RDX: variants seen among roughly 807,000 people sequenced by gnomAD.
The protein encoded by RDX is deafness, autosomal recessive 24.
In RDX, 32 loss-of-function variants were observed where a neutral mutation model predicts 83.7. That is an observed-to-expected ratio of 0.38 (90% confidence interval 0.29 to 0.51). RDX has a LOEUF of 0.51. RDX is among the 20% of genes least tolerant of loss of function. RDX has a pLI of 0.87. For missense variants in RDX, 600 were observed against 689.9 expected, an observed-to-expected ratio of 0.87 and a Z score of 1.46; for synonymous variants, 229 against 222.7, an observed-to-expected ratio of 1.03 and a Z score of -0.25.
chr11:110,194,574 T>C (rs900362194), intron 15 of RDX, among the ~76,000 whole-genome samples: 3 of 152,206 alleles, frequency 2.0e-5, no homozygotes, highest in African/African-American at 7.2e-5. Flanking sequence ...TGAATGATTT[T>C]ATGCCAACTT....
intron 3 of RDX, among the ~76,000 whole-genome samples, chr11:110,268,754 G>A (rs1350640475): frequency 2.0e-5 from 3 of 151,858 alleles, no homozygotes; most frequent in Non-Finnish European, 4.4e-5. Flanking sequence ...TACTTCTTCA[G>A]AAGGTGCTCC....
chr11:110,194,336 C>T (rs1189979545), intron 15 of RDX, among the ~76,000 whole-genome samples: 3 of 152,338 alleles, frequency 2.0e-5, no homozygotes, highest in East Asian at 1.9e-4. Flanking sequence ...TCTCCTGCCT[C>T]GGTCTCCCGA....
intron 1 of RDX, among the ~76,000 whole-genome samples, chr11:110,294,970 T>C (rs989133802): frequency 1.3e-5 from 2 of 152,196 alleles, no homozygotes; most frequent in Non-Finnish European, 2.9e-5. Context: ...GCTAATAATA[T>C]ACCAACTGTT....
At chr11:110,251,289 T>A (rs1172488390) in intron 9 of RDX, among the ~76,000 whole-genome samples, 1 of 152,188 alleles carries the variant, frequency 6.6e-6, no homozygotes, top group Non-Finnish European at 1.5e-5. Flanking sequence ...TTTTTAAAGA[T>A]CAAATGGGTC....
chr11:110,246,414 C>T (rs114175893), intron 10 of RDX, among the ~76,000 whole-genome samples: 1 of 152,102 alleles, frequency 6.6e-6, no homozygotes, highest in East Asian at 1.9e-4. Context: ...TATCCCTAAT[C>T]CAAAAAACGT....
At chr11:110,282,218 T>G in intron 1 of RDX, among the ~76,000 whole-genome samples, 1 of 152,214 alleles carries the variant, frequency 6.6e-6, no homozygotes, top group East Asian at 1.9e-4. Flanking sequence ...GCATCAAAAC[T>G]TTGGCCATTT....
At chr11:110,194,180 C>T (rs1241669691) in intron 15 of RDX, among the ~76,000 whole-genome samples, 1 of 152,218 alleles carries the variant, frequency 6.6e-6, no homozygotes, top group African/African-American at 2.4e-5. Flanking sequence ...AGATGATTTC[C>T]TCAATTCTCT....
chr11:110,250,165 C>T (rs866060141), intron 9 of RDX, among the ~76,000 whole-genome samples: 4 of 152,114 alleles, frequency 2.6e-5, no homozygotes, highest in Admixed American at 6.6e-5. Context: ...CCAATCTCTC[C>T]GGGCAAAAGA....
chr11:110,235,325 G>A (rs11213323), intron 12 of RDX, among the ~76,000 whole-genome samples: 61 of 152,244 alleles, frequency 4.0e-4, no homozygotes, highest in Middle Eastern at 3.4e-3. Context: ...GGGACACAGA[G>A]TAAGACCATG....
chr11:110,279,562 C>T, intron 2 of RDX, 119 bp downstream of exon 2: 2 of 714,742 alleles, frequency 2.8e-6, no homozygotes, highest in South Asian at 1.6e-5. Context: ...AGAGAAATAA[C>T]AGTAGTATCA....
intron 6 of RDX, 74 bp from the exon 7 acceptor site, chr11:110,257,987 T>A (rs1194490707): frequency 8.1e-6 from 12 of 1,489,260 alleles, no homozygotes; most frequent in Non-Finnish European, 1.1e-5. Context: ...TACCTGGAAT[T>A]AAAAATTAGT....
chr11:110,228,282 C>A (rs2134289070), downstream of RDX, among the ~76,000 whole-genome samples: 1 of 152,152 alleles, frequency 6.6e-6, no homozygotes, highest in East Asian at 1.9e-4. Context: ...AGTTATCAAA[C>A]ACATTTGCAG....
At chr11:110,263,869 A>C (rs1186374283) in intron 5 of RDX, 91 bp downstream of exon 5, 3 of 349,660 alleles carry the variant, frequency 8.6e-6, no homozygotes, top group East Asian at 1.1e-4. Flanking sequence ...CCCTGTCTCC[A>C]AAAAAAAAAA....
chr11:110,257,739 T>C (rs1370903050), intron 7 of RDX, 28 bp downstream of exon 7: 3 of 1,609,470 alleles, frequency 1.9e-6, no homozygotes, highest in South Asian at 1.1e-5. Context: ...GAACAATGAC[T>C]AGTTCACTAT....
At chr11:110,252,892 A>T (rs970680682) in intron 9 of RDX, among the ~76,000 whole-genome samples, 17 of 152,128 alleles carry the variant, frequency 1.1e-4, no homozygotes, top group African/African-American at 4.1e-4. Context: ...TCAGCCTCCC[A>T]AGTAGCTGAG....
At chr11:110,258,338 T>C in intron 5 of RDX, 149 bp from the exon 6 acceptor site, 4 of 611,842 alleles carry the variant, frequency 6.5e-6, no homozygotes, top group Non-Finnish European at 1.1e-5. Context: ...CTAAATTACA[T>C]ACACACAGAA....
At chr11:110,294,855 T>C (rs1312309321) in intron 1 of RDX, among the ~76,000 whole-genome samples, 1 of 152,206 alleles carries the variant, frequency 6.6e-6, no homozygotes, top group Non-Finnish European at 1.5e-5. Context: ...CAAAACATTG[T>C]ATGTGATTCC....
At chr11:110,243,574 C>T (rs928846922) in intron 10 of RDX, among the ~76,000 whole-genome samples, 11 of 151,908 alleles carry the variant, frequency 7.2e-5, no homozygotes, top group Admixed American at 3.9e-4. Flanking sequence ...AAAAATTAGC[C>T]GAGCGTGGTG....
chr11:110,213,426 A>G (rs1863912480), intron 14 of RDX, among the ~76,000 whole-genome samples: 1 of 45,220 alleles, frequency 2.2e-5, no homozygotes, highest in Non-Finnish European at 4.4e-5. Context: ...AAGGTAATTT[A>G]CAGATTCAAT....
Sources: gnomAD v4.1 joint callset for allele counts (sites outside exome capture counted in the v4.1 genomes callset) on GRCh38, gnomAD v4.1.1 for gene constraint, MANE v1.5 for transcripts, NCBI Gene and HGNC (gene_info 2026-07-23, HGNC 2026-07-21) for gene names.